DCLRE1C: variants seen among roughly 807,000 people sequenced by gnomAD.
The protein encoded by DCLRE1C is protein artemis.
DCLRE1C carries 47 observed loss-of-function variants against 61.4 expected under a neutral mutation model. That is an observed-to-expected ratio of 0.77 (90% CI 0.61 to 0.98). The LOEUF is 0.98. Among genes scored for constraint, DCLRE1C ranks in the 50% least tolerant of loss-of-function variants. DCLRE1C has a pLI of 0.00. For synonymous variants in DCLRE1C, 337 were observed against 287.6 expected (o/e 1.17, Z -1.74); for missense variants, 858 against 816.0 (o/e 1.05, Z -0.63).
At chr10:14,909,507 T>C (rs1834888480) in intron 13 of DCLRE1C, among the ~76,000 whole-genome samples, 177 bp from the exon 14 acceptor site, 1 of 151,940 alleles carries the variant, frequency 6.6e-6, no homozygotes, top group African/African-American at 2.4e-5. Context: ...CAACTTTTTA[T>C]AATAAATGCC....
chr10:14,899,491 T>C lies in DCLRE1C; in HGVS notation c.1157-179A>G, dbSNP rs748128649. On this transcript the variant is annotated intron_variant, in intron 13 of 13. Transcript: ENST00000378289. ...ATTAGTAGATAGGTAGATGAATGCT[T>C]CTTTGGTTCAGTAGCTACGTAATAT... 2.5e-6 allele frequency: 4 copies of C among 1,596,294 alleles called. No homozygotes were observed. The East Asian group carries it at 8.9e-5, about 36-fold the overall frequency.
At chr10:14,931,502 G>C (rs1406537312) in intron 9 of DCLRE1C, among the ~76,000 whole-genome samples, 3 of 152,122 alleles carry the variant, frequency 2.0e-5, no homozygotes, top group East Asian at 1.9e-4. Flanking sequence ...AGCTTGCAGT[G>C]AGCCGAGATG....
chr10:14,899,610 T>C (rs183140822), intron 13 of DCLRE1C: 1 of 1,614,154 alleles, frequency 6.2e-7, no homozygotes, highest in Admixed American at 1.7e-5. Flanking sequence ...ATCTCTTTGA[T>C]CTGGACTATG....
downstream of DCLRE1C, chr10:14,901,014 C>T: frequency 7.4e-7 from 1 of 1,351,906 alleles, no homozygotes; most frequent in Non-Finnish European, 1.0e-6. Flanking sequence ...AAGCAATAAG[C>T]AACTTAATTT....
chr10:14,948,230 G>T (rs1337210251), intron 2 of DCLRE1C, among the ~76,000 whole-genome samples: 2 of 151,536 alleles, frequency 1.3e-5, no homozygotes, highest in Non-Finnish European at 2.9e-5. Flanking sequence ...AAAAATTGTT[G>T]AACAAAAAAT....
chr10:14,954,134 C>T, upstream of DCLRE1C: 1 of 1,530,620 alleles, frequency 6.5e-7, no homozygotes, highest in East Asian at 2.4e-5. Context: ...AACGCAGCCA[C>T]GTCCAATCAG....
At chr10:14,935,660 C>T (rs1331924402) in intron 5 of DCLRE1C, 96 bp from the exon 6 acceptor site, 33 of 1,186,772 alleles carry the variant, frequency 2.8e-5, no homozygotes, top group Non-Finnish European at 3.1e-5. Context: ...TTCCTGCAAA[C>T]ATATCCATTA....
At chr10:14,918,629 TAAAAAAA>T (rs57588352) in intron 13 of DCLRE1C, among the ~76,000 whole-genome samples, 2 of 138,586 alleles carry the variant, frequency 1.4e-5, no homozygotes, top group Non-Finnish European at 3.2e-5. Context: ...AGCTGTTTTT[TAAAAAAA>T]AAAAAAAAGA....
chr10:14,910,999 A>C (rs1422810154), intron 13 of DCLRE1C, among the ~76,000 whole-genome samples: 2 of 152,210 alleles, frequency 1.3e-5, no homozygotes, highest in Non-Finnish European at 2.9e-5. Context: ...GGAACATTGA[A>C]GAAATAAATG....
chr10:14,914,783 A>G (rs775518057), intron 13 of DCLRE1C, among the ~76,000 whole-genome samples: 3 of 152,162 alleles, frequency 2.0e-5, no homozygotes, highest in Non-Finnish European at 2.9e-5. Flanking sequence ...TACTAAAAAT[A>G]CAAAACATTA....
Position 14,923,157 on chromosome 10 carries a change from C to G in DCLRE1C, c.973-88G>C, listed in dbSNP as rs41299656. 1.8e-3 allele frequency: 1,788 copies of G among 1,004,196 alleles called. 24 individuals carry two copies. In the African/African-American group the frequency reaches 0.025, roughly 14 times the overall value. 62.2% of individuals were successfully genotyped at this position (1,004,196 alleles called of 1,614,324 possible). The stretch of plus-strand genomic sequence containing the variant: ...TAAAGGGAGGCTGGGGAAAGAGAAG[C>G]AGAACTCTCTTATGGCTGTGGTTCT... On this transcript the variant is annotated intron_variant, in intron 11 of 13. Transcript: ENST00000378278.
Position 14,936,594 on chromosome 10 carries a change from C to T in DCLRE1C, c.307-1G>A. The T allele has an allele frequency of 6.2e-7, 1 of 1,611,490 alleles. No individual in the cohort carries two copies. The highest frequency in any genetic ancestry group is 8.5e-7 in the Non-Finnish European group (1 of 1,178,034). ...AGAGAGTCACAACAATCTCTTCCTT[C>T]TAAAAAGAAAATAAAGAAAAAATAG... On this transcript the variant is annotated splice_acceptor_variant, in intron 4 of 13. Coordinates refer to ENST00000378278, the MANE Select transcript of DCLRE1C (RefSeq NM_001033855.3). LOFTEE classifies it high-confidence loss of function.
At chr10:14,898,058 A>T (rs1833711860) in exon 14 of DCLRE1C, 1 of 151,366 alleles carries the variant, frequency 6.6e-6, no homozygotes, top group African/African-American at 2.4e-5. Context: ...TACAAATACT[A>T]GCAAATTTAT....
downstream of DCLRE1C, among the ~76,000 whole-genome samples, chr10:14,899,921 G>A (rs961732713): frequency 6.6e-6 from 1 of 152,076 alleles, no homozygotes; most frequent in Admixed American, 6.5e-5. Flanking sequence ...CTTTACATAT[G>A]TTACTTCATT....
chr10:14,923,704 A>C (rs1837502264), intron 11 of DCLRE1C: 2 of 154,232 alleles, frequency 1.3e-5, no homozygotes, highest in African/African-American at 2.4e-5. Context: ...TGCCAAGAGA[A>C]TTACACCTTT....
At chr10:14,949,118 A>T (rs957402256) in intron 1 of DCLRE1C, 31 bp from the exon 2 acceptor site, 1 of 1,494,362 alleles carries the variant, frequency 6.7e-7, no homozygotes, top group Non-Finnish European at 9.3e-7. Context: ...ACTCATGAAT[A>T]TGTTTTTCCA....
intron 2 of DCLRE1C, among the ~76,000 whole-genome samples, chr10:14,948,805 A>G (rs998372010): frequency 6.7e-6 from 1 of 149,510 alleles, no homozygotes; most frequent in Non-Finnish European, 1.5e-5. Context: ...GTTCACAAAC[A>G]GCCAAAGCTA....
chr10:14,901,330 A>C (rs1277738698), downstream of DCLRE1C: 12 of 1,592,440 alleles, frequency 7.5e-6, no homozygotes, highest in African/African-American at 1.3e-5. Context: ...GACTAGGAAC[A>C]GACCTTAGAT....
At chr10:14,946,116 C>G (rs1841652990) in intron 2 of DCLRE1C, among the ~76,000 whole-genome samples, 2 of 151,652 alleles carry the variant, frequency 1.3e-5, no homozygotes, top group Admixed American at 1.3e-4. Flanking sequence ...TCAAGCGATT[C>G]TCCTGTCTTA....
Sources: allele counts gnomAD v4.1 joint callset (sites outside exome capture counted in the v4.1 genomes callset), GRCh38; gene constraint gnomAD v4.1.1; transcripts MANE v1.5; gene names NCBI Gene and HGNC (gene_info 2026-07-23, HGNC 2026-07-21).